USP29: variants seen among roughly 807,000 people sequenced by gnomAD.
USP29 encodes the protein ubiquitin carboxyl-terminal hydrolase 29.
For missense variants in USP29, 1,102 were observed against 1,069.0 expected, an observed-to-expected ratio of 1.03 and a Z score of -0.43; for synonymous variants, 386 against 387.4, an observed-to-expected ratio of 1.00 and a Z score of 0.04.
At position 57,129,754 on chromosome 19, in the gene USP29, C is replaced by T. The variant is rs1254128243; in HGVS notation, c.1079C>T (p.Ala360Val). 3 of 1,614,088 alleles carry T rather than the reference C, an allele frequency of 1.9e-6. No individual in the cohort carries two copies. The highest frequency in any genetic ancestry group is 2.5e-6 in the Non-Finnish European group (3 of 1,180,024). The change falls in exon 4 of 4, where the codon GCA becomes GTA. Residue 360 changes from alanine (A) to valine (V), a missense_variant. Coordinates refer to ENST00000254181, the MANE Select transcript of USP29 (RefSeq NM_020903.3). ...GGGAATGTTAAAAAAGTCATTTCAG[C>T]AGTTGCAGAAATATTTTCTGGCAAC... is the stretch of plus-strand genomic sequence containing the variant. ...LLGNVKKVIS[A>V]VAEIFSGNMQ...
At chr19:57,119,500 G>A (rs2086781552), upstream of USP29, among the ~76,000 whole-genome samples, 1 of 152,150 alleles carries the variant, frequency 6.6e-6, no homozygotes, top group South Asian at 2.1e-4. Context: ...TCCGCTCACT[G>A]CAACCTCCGC....
upstream of USP29, among the ~76,000 whole-genome samples, chr19:57,119,426 T>G (rs1302657769): frequency 1.3e-5 from 2 of 151,742 alleles, no homozygotes; most frequent in Non-Finnish European, 2.9e-5. Flanking sequence ...TTTTTGGGGG[T>G]TTTGTTGTTG....
rs1158817007 is a variant in USP29 at position 57,129,601 on chromosome 19, T to C, written c.926T>C (p.Phe309Ser). The C allele has an allele frequency of 1.2e-6, 2 of 1,614,254 alleles. No individual in the cohort carries two copies. The highest frequency in any genetic ancestry group is 3.3e-5 in the Admixed American group (2 of 60,020). The change falls in exon 4 of 4, where the codon TTT becomes TCT. Residue 309 changes from phenylalanine (F) to serine (S), a missense_variant. Physicochemically the swap from Phe to Ser is radical, Grantham distance 155. Transcript: ENST00000254181. ...VLQSLFAIPS[F>S]ADDLLTQGVP... ...CAATCGCTATTTGCAATTCCATCTT[T>C]TGCTGATGACTTACTCACTCAAGGT... is the stretch of plus-strand genomic sequence containing the variant.
Position 57,131,413 on chromosome 19 carries a change from A to G in USP29, c.2738A>G (p.Tyr913Cys), listed in dbSNP as rs766954760. The change falls in exon 4 of 4, where the codon TAC becomes TGC. Residue 913 changes from tyrosine (Y) to cysteine (C), a missense_variant. Tyr to Cys is a radical substitution (Grantham distance 194). Transcript: ENST00000254181. ...GCAGGGGTGATCCCTCAGGGGGAATACGAAGGTGACTCTTTGTACAGACCT... is the reference window on the plus strand; with the variant it reads ...GCAGGGGTGATCCCTCAGGGGGAATGCGAAGGTGACTCTTTGTACAGACCT... ...TQAGVIPQGEYEGDSLYRPA is the reference protein window; with the variant it reads ...TQAGVIPQGECEGDSLYRPA The G allele has an allele frequency of 1.2e-6, 2 of 1,613,572 alleles. No individual in the cohort carries two copies. Among genetic ancestry groups the G allele is most frequent in the East Asian group, 2.2e-5 (1 of 44,880 alleles).
chr19:57,130,084 A>G lies in USP29; in HGVS notation c.1409A>G (p.Gln470Arg), dbSNP rs2086847955. 2.5e-6 allele frequency: 4 copies of G among 1,613,520 alleles called. No homozygotes were observed. Among genetic ancestry groups the G allele is most frequent in the Middle Eastern group, 1.7e-4 (1 of 6,060 alleles). The change falls in exon 4 of 4, where the codon CAG (glutamine) becomes CGG (arginine). Residue 470 changes from glutamine (Q) to arginine (R), a missense_variant. Physicochemically the swap from Gln to Arg is conservative, Grantham distance 43. Transcript: ENST00000254181. ...ACAAAACCACTTCCTTTGTCCATTC[A>G]GAATTCTTTAGATCTTTTCTTTAAA... ...QETKPLPLSIQNSLDLFFKEE... is the reference protein window; with the variant it reads ...QETKPLPLSIRNSLDLFFKEE...
At position 57,124,059 on chromosome 19, in the gene USP29, G is replaced by C. The variant is rs1035387388; in HGVS notation, c.-97G>C. 7.2e-5 allele frequency: 11 copies of C among 152,212 alleles called. No homozygotes were observed. The highest frequency in any genetic ancestry group is 2.4e-4 in the African/African-American group (10 of 41,452). 9.4% of individuals were successfully genotyped at this position (152,212 alleles called of 1,614,324 possible). The stretch of plus-strand genomic sequence containing the variant: ...CCTAGTAACAGCCGTGGCAGTCAGA[G>C]CTCTGCCTGCAGTGTGACCATGGAC... On this transcript the variant is annotated 5_prime_UTR_variant, in exon 3 of 4. Transcript: ENST00000254181.
At chr19:57,127,028 C>T (rs2086827567) in intron 3 of USP29, among the ~76,000 whole-genome samples, 1 of 152,188 alleles carries the variant, frequency 6.6e-6, no homozygotes, top group Non-Finnish European at 1.5e-5. Flanking sequence ...TGCAGGTCTG[C>T]TGCAGTTTGC....
rs148793856 is a variant in USP29, at chr19:57,130,240, T to C, written c.1565T>C (p.Leu522Pro). Residue 522 changes from leucine (L) to proline (P), a missense_variant, in exon 4 of 4, where the codon CTG becomes CCG. By Grantham distance (98) the Leu-to-Pro change is moderately conservative. Coordinates refer to ENST00000254181, the MANE Select transcript of USP29 (RefSeq NM_020903.3). Reference sequence around the variant, plus strand: ...TATAGCTTCAACAATGCTTGGTTGCTGGTGAAGAATAACGAGCAAGTTTAT... The same window carrying C: ...TATAGCTTCAACAATGCTTGGTTGCCGGTGAAGAATAACGAGCAAGTTTAT... ...KRYSFNNAWL[L>P]VKNNEQVYIP... is the part of the protein sequence containing the mutation. 7 of 1,614,084 alleles carry C rather than the reference T, an allele frequency of 4.3e-6. No homozygotes were observed. The highest frequency in any genetic ancestry group is 1.3e-5 in the African/African-American group (1 of 74,930).
Position 57,131,114 on chromosome 19 carries a change from C to T in USP29, c.2439C>T (p.Asn813=), listed in dbSNP as rs752237349. Residue 813 remains asparagine (N), a synonymous_variant, in exon 4 of 4, where the codon AAC becomes AAT. Transcript: ENST00000254181. ...TRGEAKELTR[N]VKMGDPLQAY... Reference sequence around the variant, plus strand: ...GTGAAGCCAAGGAACTAACAAGAAACGTGAAGATGGGGGATCCTCTCCAGG... The same window carrying T: ...GTGAAGCCAAGGAACTAACAAGAAATGTGAAGATGGGGGATCCTCTCCAGG... 15 of 1,614,178 alleles carry T rather than the reference C, an allele frequency of 9.3e-6. No individual in the cohort carries two copies. The highest frequency in any genetic ancestry group is 3.3e-5 in the South Asian group (3 of 91,080).
Position 57,130,722 on chromosome 19 carries a change from C to G in USP29, c.2047C>G (p.Gln683Glu). 1 of 1,614,100 alleles carries G rather than the reference C, an allele frequency of 6.2e-7. No individual in the cohort carries two copies. Among genetic ancestry groups the G allele is most frequent in the South Asian group, 1.1e-5 (1 of 91,084 alleles). ...CACAAGGCTTGTCGAGGTTCATCTT[C>G]AAGAGGTGCCTCAACATCCAGAACT... ...PDTRLVEVHL[Q>E]EVPQHPELQK... The change falls in exon 4 of 4, where the codon CAA becomes GAA. Residue 683 changes from glutamine to glutamate, a missense_variant. Coordinates refer to ENST00000254181, the MANE Select transcript of USP29 (RefSeq NM_020903.3).
chr19:57,127,076 C>G (rs1274020459), intron 3 of USP29, among the ~76,000 whole-genome samples: 1 of 152,204 alleles, frequency 6.6e-6, no homozygotes, highest in Non-Finnish European at 1.5e-5. Context: ...CTGGGTATCC[C>G]CAGCGGAGGC....
intron 2 of USP29, among the ~76,000 whole-genome samples, chr19:57,123,696 T>C (rs1182843919): frequency 6.6e-6 from 1 of 152,192 alleles, no homozygotes; most frequent in Non-Finnish European, 1.5e-5. Context: ...GTCTTTAAGT[T>C]AGAGACCCAT....
chr19:57,127,236 G>A (rs2086828523), intron 3 of USP29, among the ~76,000 whole-genome samples: 1 of 152,188 alleles, frequency 6.6e-6, no homozygotes, highest in Admixed American at 6.5e-5. Context: ...TAGAAGGCAC[G>A]GGGGTCAGGG....
chr19:57,130,021 A>G lies in USP29; in HGVS notation c.1346A>G (p.Glu449Gly). The G allele has an allele frequency of 2.5e-6, 4 of 1,614,140 alleles. No individual in the cohort carries two copies. The highest frequency in any genetic ancestry group is 3.4e-6 in the Non-Finnish European group (4 of 1,180,024). ...TGTGGTCATGCTGTTCTCAAGGTAG[A>G]ACCTAATAATTATCTCTCCATCAAC... ...KACGHAVLKV[E>G]PNNYLSINLH... Residue 449 changes from glutamate (E) to glycine (G), a missense_variant, in exon 4 of 4, where the codon GAA becomes GGA. Physicochemically the swap from Glu to Gly is moderately conservative, Grantham distance 98 (BLOSUM62 -2). Coordinates refer to ENST00000254181, the MANE Select transcript of USP29 (RefSeq NM_020903.3).
intron 1 of USP29, among the ~76,000 whole-genome samples, chr19:57,120,678 T>C (rs2086789724): frequency 7.1e-6 from 1 of 141,662 alleles, no homozygotes; most frequent in South Asian, 2.3e-4. Context: ...TCCCAGCTAC[T>C]GGGGAGGCTG....
chr19:57,122,937 T>C (rs1166919976), intron 2 of USP29, among the ~76,000 whole-genome samples: 1 of 152,140 alleles, frequency 6.6e-6, no homozygotes, highest in East Asian at 1.9e-4. Flanking sequence ...ATGGAGGGGC[T>C]TTTCTTCACA....
In USP29 at chr19:57,130,448, G is replaced by T; in HGVS notation, c.1773G>T (p.Leu591=). 1.2e-6 allele frequency: 2 copies of T among 1,614,152 alleles called. No individual in the cohort carries two copies. The highest frequency in any genetic ancestry group is 1.3e-5 in the African/African-American group (1 of 75,034). Reference sequence around the variant, plus strand: ...TGACCTCAGAATCCAGTGATTCCCTGGTTCTACCCGTTGAACCAGACAAGA... The same window carrying T: ...TGACCTCAGAATCCAGTGATTCCCTTGTTCTACCCGTTGAACCAGACAAGA... The part of the protein sequence containing the change: ...MKLTSESSDS[L]VLPVEPDKNA... Residue 591 remains leucine (L), a synonymous_variant, in exon 4 of 4, where the codon CTG becomes CTT. Coordinates refer to ENST00000254181, the MANE Select transcript of USP29 (RefSeq NM_020903.3).
intron 1 of USP29, among the ~76,000 whole-genome samples, chr19:57,121,429 TTA>T (rs35009834): frequency 0.42 from 53,749 of 128,846 alleles, 12,831 homozygotes; most frequent in South Asian, 0.53. Context: ...TTATATATAC[TTA>T]TGTTATATAC....
At position 57,129,764 on chromosome 19, in the gene USP29, A is replaced by G. The variant is rs148949963; in HGVS notation, c.1089A>G (p.Glu363=). ...AAAAAGTCATTTCAGCAGTTGCAGA[A>G]ATATTTTCTGGCAACATGCAGAATG... is the stretch of plus-strand genomic sequence containing the variant. ...NVKKVISAVA[E]IFSGNMQNDA... Residue 363 remains glutamate, a synonymous_variant, in exon 4 of 4, where the codon GAA becomes GAG. Coordinates refer to ENST00000254181, the MANE Select transcript of USP29 (RefSeq NM_020903.3). 4.3e-6 allele frequency: 7 copies of G among 1,614,164 alleles called. No individual in the cohort carries two copies. Among genetic ancestry groups the G allele is most frequent in the Non-Finnish European group, 5.9e-6 (7 of 1,180,048 alleles).
Sources: gnomAD v4.1 joint callset for allele counts (sites outside exome capture counted in the v4.1 genomes callset) on GRCh38, gnomAD v4.1.1 for gene constraint, MANE v1.5 for transcripts, NCBI Gene and HGNC (gene_info 2026-07-23, HGNC 2026-07-21) for gene names.